The following TAFA1 variants were observed in gnomAD, a reference collection of about 807,000 sequenced individuals.
The protein encoded by TAFA1 is TAFA chemokine like family member 1, also known as chemokine-like protein TAFA-1.
Under a neutral mutation model 18.5 loss-of-function variants are expected in TAFA1, and 4 were observed. The observed-to-expected ratio is 0.22, with a 90% CI of 0.11 to 0.49. TAFA1 has a LOEUF of 0.49. Ranked by LOEUF, TAFA1 falls within the 20% of genes least tolerant of loss-of-function variation. TAFA1 has a pLI of 0.98. For synonymous variants in TAFA1, 56 were observed against 55.2 expected (o/e 1.01, Z -0.06); for missense variants, 147 against 169.0 (o/e 0.87, Z 0.72).
chr3:68,051,201 T>G (rs1384244179), intron 2 of TAFA1, among the ~76,000 whole-genome samples: 1 of 152,114 alleles, frequency 6.6e-6, no homozygotes, highest in Non-Finnish European at 1.5e-5. Context: ...TTAGAGTATG[T>G]GGATTACAGA....
chr3:68,086,656 A>T (rs956179012), intron 2 of TAFA1, among the ~76,000 whole-genome samples: 8 of 152,338 alleles, frequency 5.3e-5, no homozygotes, highest in Admixed American at 6.5e-5. Flanking sequence ...GGAAAGGAAG[A>T]TGAAATACCA....
At chr3:68,360,746 T>C (rs566850215) in intron 2 of TAFA1, among the ~76,000 whole-genome samples, 1 of 152,024 alleles carries the variant, frequency 6.6e-6, no homozygotes, top group Admixed American at 6.6e-5. Context: ...CTGAGTCATA[T>C]GGAAATGCTC....
At chr3:68,279,792 T>C (rs868526481) in intron 2 of TAFA1, among the ~76,000 whole-genome samples, 7 of 152,188 alleles carry the variant, frequency 4.6e-5, no homozygotes, top group African/African-American at 1.7e-4. Context: ...TTTGTAAGTA[T>C]AACACAACAT....
At chr3:68,121,795 G>T (rs370647069) in intron 2 of TAFA1, among the ~76,000 whole-genome samples, 28 of 152,220 alleles carry the variant, frequency 1.8e-4, no homozygotes, top group African/African-American at 6.3e-4. Flanking sequence ...TCAAAGAGGG[G>T]TGTCCATCCC....
intron 1 of TAFA1, chr3:68,006,339 A>G: frequency 3.0e-6 from 1 of 338,920 alleles, no homozygotes. Context: ...GTCAGCATGC[A>G]TTGTTTTAAA....
chr3:68,343,697 T>C (rs1186134362), intron 2 of TAFA1, among the ~76,000 whole-genome samples: 1 of 152,228 alleles, frequency 6.6e-6, no homozygotes, highest in African/African-American at 2.4e-5. Context: ...TGTTGCCACA[T>C]ATTTTTTTTA....
At chr3:68,042,353 T>G (rs1284975185) in intron 2 of TAFA1, among the ~76,000 whole-genome samples, 1 of 152,222 alleles carries the variant, frequency 6.6e-6, no homozygotes, top group Non-Finnish European at 1.5e-5. Flanking sequence ...AATGAAAACA[T>G]TAAACTTTAT....
chr3:68,490,845 T>A (rs2072438646), intron 3 of TAFA1, among the ~76,000 whole-genome samples: 1 of 151,972 alleles, frequency 6.6e-6, no homozygotes, highest in Non-Finnish European at 1.5e-5. Context: ...TTTTTCTTTT[T>A]TTTTTGTGGG....
At chr3:68,153,688 GGT>G (rs936690757) in intron 2 of TAFA1, among the ~76,000 whole-genome samples, 17 of 152,170 alleles carry the variant, frequency 1.1e-4, no homozygotes, top group African/African-American at 3.1e-4. Context: ...ATGAATCCAT[GGT>G]GTTCTCATGG....
intron 3 of TAFA1, among the ~76,000 whole-genome samples, chr3:68,482,978 T>C (rs571343381): frequency 6.6e-6 from 1 of 152,350 alleles, no homozygotes; most frequent in Non-Finnish European, 1.5e-5. Flanking sequence ...AACTTCTTTC[T>C]TAAGCCAGTT....
chr3:68,043,896 C>T lies in TAFA1; in HGVS notation c.118+37152C>T, dbSNP rs144627655. 5.1e-3 allele frequency among the ~76,000 whole-genome samples: 780 copies of T among 151,622 alleles called. 6 individuals are homozygous for T. Among genetic ancestry groups the T allele is most frequent in the African/African-American group, 0.016 (644 of 41,318 alleles). On this transcript the variant is annotated intron_variant, in intron 2 of 4. Transcript: ENST00000478136. ...TTCTAGGGTACATGTGCACAATGTGCGGGTTTGTTACATATGTATACATGT... is the reference window on the plus strand; with the variant it reads ...TTCTAGGGTACATGTGCACAATGTGTGGGTTTGTTACATATGTATACATGT...
chr3:68,419,438 G>T (rs143853169), intron 3 of TAFA1, among the ~76,000 whole-genome samples: 1 of 152,222 alleles, frequency 6.6e-6, no homozygotes, highest in East Asian at 1.9e-4. Context: ...CAGCATAATG[G>T]ACTCTAATAC....
chr3:68,056,831 G>A (rs775430934), intron 2 of TAFA1, among the ~76,000 whole-genome samples: 14 of 152,146 alleles, frequency 9.2e-5, no homozygotes, highest in Non-Finnish European at 1.5e-4. Flanking sequence ...TCTGGCTTAA[G>A]TATGCAGACA....
chr3:68,133,249 A>C (rs1441724251), intron 2 of TAFA1, among the ~76,000 whole-genome samples: 2 of 152,178 alleles, frequency 1.3e-5, no homozygotes, highest in African/African-American at 4.8e-5. Context: ...TACCGGTACC[A>C]TGCTGTTTTG....
intron 2 of TAFA1, among the ~76,000 whole-genome samples, chr3:68,185,906 AAAATAAATAAAT>A (rs10580284): frequency 8.7e-5 from 13 of 149,796 alleles, no homozygotes; most frequent in East Asian, 8.0e-4. Context: ...TGTCTCAAAT[AAAATAAATAAAT>A]AAATAAATAA....
upstream of TAFA1, among the ~76,000 whole-genome samples, chr3:67,999,980 G>A (rs995463040): frequency 6.6e-6 from 1 of 151,956 alleles, no homozygotes; most frequent in Non-Finnish European, 1.5e-5. Flanking sequence ...GTAGAGACAG[G>A]GTTTCACCAT....
chr3:68,220,098 A>G (rs1461941264), intron 2 of TAFA1, among the ~76,000 whole-genome samples: 4 of 152,218 alleles, frequency 2.6e-5, no homozygotes, highest in Non-Finnish European at 5.9e-5. Flanking sequence ...TATGAACTGT[A>G]GAGCATGGAT....
chr3:68,543,397 G>T (rs2073409014), intron 4 of TAFA1, among the ~76,000 whole-genome samples: 1 of 152,084 alleles, frequency 6.6e-6, no homozygotes, highest in Non-Finnish European at 1.5e-5. Context: ...AAACCACGCT[G>T]GGTTTGCTTC....
intron 2 of TAFA1, among the ~76,000 whole-genome samples, chr3:68,252,079 T>C (rs2067207153): frequency 6.6e-6 from 1 of 152,194 alleles, no homozygotes; most frequent in Non-Finnish European, 1.5e-5. Flanking sequence ...ATGAGATCTC[T>C]TTGAGATCTC....
Sources: gnomAD v4.1 joint callset for allele counts (sites outside exome capture counted in the v4.1 genomes callset) on GRCh38, gnomAD v4.1.1 for gene constraint, MANE v1.5 for transcripts, NCBI Gene and HGNC (gene_info 2026-07-23, HGNC 2026-07-21) for gene names.